The following DCC variants were observed in gnomAD, a reference collection of about 807,000 sequenced individuals.
DCC encodes the protein netrin receptor DCC.
Under a neutral mutation model 172.5 loss-of-function variants are expected in DCC, and 58 were observed. The observed-to-expected ratio is 0.34, with a 90% CI of 0.27 to 0.42. DCC has a LOEUF of 0.42. Ranked by LOEUF, DCC falls within the 10% of genes least tolerant of loss-of-function variation. The pLI is 1.00. For synonymous variants in DCC, 709 were observed against 644.5 expected (o/e 1.10, Z -1.52); for missense variants, 1,740 against 1,791.0 (o/e 0.97, Z 0.51).
intron 10 of DCC, 45 bp downstream of exon 10, chr18:53,205,409 T>G (rs773022395): frequency 5.6e-6 from 9 of 1,593,830 alleles, no homozygotes; most frequent in African/African-American, 4.0e-5. Flanking sequence ...GTTGGATGTT[T>G]CCATCCATTG....
chr18:53,503,356 G>C (rs1412312451), intron 27 of DCC, among the ~76,000 whole-genome samples: 1 of 152,010 alleles, frequency 6.6e-6, no homozygotes, highest in Non-Finnish European at 1.5e-5. Flanking sequence ...AGACTCTAGG[G>C]TATTTATGGT....
intron 22 of DCC, among the ~76,000 whole-genome samples, chr18:53,444,590 C>A (rs148982915): frequency 0.022 from 3,295 of 152,260 alleles, 62 homozygotes; most frequent in Middle Eastern, 0.065. Flanking sequence ...AACATAAAGG[C>A]AAAAGCCTCC....
chr18:52,525,131 C>T (rs79102449), intron 1 of DCC, among the ~76,000 whole-genome samples: 4,257 of 151,868 alleles, frequency 0.028, 99 homozygotes, highest in Non-Finnish European at 0.043. Context: ...AATTAATCAA[C>T]ATTTAAGTGC....
chr18:52,786,385 TTAG>T (rs1055337436), intron 2 of DCC, among the ~76,000 whole-genome samples: 8 of 151,902 alleles, frequency 5.3e-5, no homozygotes, highest in African/African-American at 1.9e-4. Context: ...TTAAAAACAA[TTAG>T]TGAGACAAGG....
chr18:52,700,209 TGCACATGTGC>T (rs1436854694), intron 1 of DCC, among the ~76,000 whole-genome samples: 2 of 44,664 alleles, frequency 4.5e-5, no homozygotes, highest in Admixed American at 2.1e-4. Context: ...CATACACACA[TGCACATGTGC>T]ACACACATGC....
At chr18:53,231,945 C>G (rs562101713) in intron 12 of DCC, among the ~76,000 whole-genome samples, 72 of 152,208 alleles carry the variant, frequency 4.7e-4, no homozygotes, top group African/African-American at 1.7e-3. Flanking sequence ...AGTCCTTTTA[C>G]GTCATCTTCA....
intron 1 of DCC, among the ~76,000 whole-genome samples, chr18:52,426,296 A>AT (rs59755014): frequency 0.058 from 8,221 of 142,000 alleles, 465 homozygotes; most frequent in African/African-American, 0.15. Flanking sequence ...TAGTGCCAGA[A>AT]TTTTTTTTTT....
intron 27 of DCC, among the ~76,000 whole-genome samples, chr18:53,516,523 A>G (rs1220702645): frequency 6.7e-6 from 1 of 150,260 alleles, no homozygotes; most frequent in Non-Finnish European, 1.5e-5. Context: ...AACCTACAAA[A>G]TGGGAGAAAA....
chr18:52,622,122 A>T (rs2034491686), intron 1 of DCC, among the ~76,000 whole-genome samples: 1 of 152,208 alleles, frequency 6.6e-6, no homozygotes, highest in Non-Finnish European at 1.5e-5. Flanking sequence ...ATTTGTCCTC[A>T]AGTATAAATA....
At chr18:52,885,471 CCACTGATATT>C (rs1486799295) in intron 2 of DCC, among the ~76,000 whole-genome samples, 3 of 152,170 alleles carry the variant, frequency 2.0e-5, no homozygotes, top group African/African-American at 7.2e-5. Flanking sequence ...TTCCAGGCCA[CCACTGATATT>C]CACTTAAAGC....
intron 1 of DCC, among the ~76,000 whole-genome samples, chr18:52,734,965 T>C (rs2145100882): frequency 6.6e-6 from 1 of 152,312 alleles, no homozygotes; most frequent in South Asian, 2.1e-4. Context: ...TTGTAAATTC[T>C]TATAAGAAAA....
chr18:53,410,914 A>G (rs1909944938), intron 20 of DCC, among the ~76,000 whole-genome samples: 1 of 152,196 alleles, frequency 6.6e-6, no homozygotes, highest in African/African-American at 2.4e-5. Context: ...TATTGGTTCT[A>G]TTCAAAATAT....
chr18:52,957,898 G>C (rs958600444), intron 5 of DCC, among the ~76,000 whole-genome samples: 2 of 152,146 alleles, frequency 1.3e-5, no homozygotes, highest in Non-Finnish European at 2.9e-5. Flanking sequence ...TTATTATCAA[G>C]GAAGTAATAT....
chr18:52,476,941 A>G (rs907244846), intron 1 of DCC, among the ~76,000 whole-genome samples: 5 of 152,164 alleles, frequency 3.3e-5, no homozygotes, highest in African/African-American at 1.2e-4. Context: ...CAAGTCAAAC[A>G]CAATTTAGCA....
At chr18:52,750,533 G>C (rs1378355212) in intron 1 of DCC, among the ~76,000 whole-genome samples, 3 of 152,146 alleles carry the variant, frequency 2.0e-5, no homozygotes, top group African/African-American at 7.2e-5. Flanking sequence ...TGAGTGAGTG[G>C]CCAAGGTGAA....
chr18:52,380,377 T>C (rs891583016), intron 1 of DCC, among the ~76,000 whole-genome samples: 2 of 152,096 alleles, frequency 1.3e-5, no homozygotes, highest in Non-Finnish European at 2.9e-5. Context: ...TGATTCTTAG[T>C]ATACCATCTT....
chr18:53,312,773 C>A, intron 13 of DCC, among the ~76,000 whole-genome samples: 1 of 134,982 alleles, frequency 7.4e-6, no homozygotes. Flanking sequence ...TGTGCCACTG[C>A]AGTCCAGCCT....
At chr18:53,087,522 G>C (rs2042932707) in intron 7 of DCC, among the ~76,000 whole-genome samples, 1 of 151,906 alleles carries the variant, frequency 6.6e-6, no homozygotes, top group African/African-American at 2.4e-5. Flanking sequence ...AGATGAGTAG[G>C]TTGTGAAAAT....
chr18:52,516,404 A>G (rs1421880000), intron 1 of DCC, among the ~76,000 whole-genome samples: 1 of 152,236 alleles, frequency 6.6e-6, no homozygotes, highest in Non-Finnish European at 1.5e-5. Flanking sequence ...AGCAATAAAA[A>G]GGAGAACTCT....
Sources: gnomAD v4.1 joint callset for allele counts (sites outside exome capture counted in the v4.1 genomes callset) on GRCh38, gnomAD v4.1.1 for gene constraint, MANE v1.5 for transcripts, NCBI Gene and HGNC (gene_info 2026-07-23, HGNC 2026-07-21) for gene names.